POU6F2: variants seen among roughly 807,000 people sequenced by gnomAD.
The protein encoded by POU6F2 is POU class 6 homeobox 2.
Under a neutral mutation model 71.3 loss-of-function variants are expected in POU6F2, and 31 were observed. That is an observed-to-expected ratio of 0.43 (90% CI 0.33 to 0.59). POU6F2 has a LOEUF of 0.59. POU6F2 is among the 20% of genes least tolerant of loss of function. POU6F2 has a pLI of 0.04. For missense variants in POU6F2, 783 were observed against 856.8 expected (o/e 0.91, Z 1.07); for synonymous variants, 347 against 355.7 (o/e 0.98, Z 0.27).
At chr7:39,451,760 A>G in intron 8 of POU6F2, 59 bp downstream of exon 8, 1 of 1,479,678 alleles carries the variant, frequency 6.8e-7, no homozygotes, top group South Asian at 1.2e-5. Context: ...CCTATTTGCA[A>G]TGTCTTCCTT....
At position 39,270,004 on chromosome 7, in the gene POU6F2, TAAAAC is replaced by T. The variant is rs146309033; in HGVS notation, c.598+62389_598+62393del. 5.9e-5 allele frequency among the ~76,000 whole-genome samples: 9 copies of T among 152,332 alleles called. No individual in the cohort carries two copies. The East Asian group carries it at 1.2e-3, about 20-fold the overall frequency. On this transcript the variant is annotated intron_variant, in intron 4 of 9. Coordinates refer to ENST00000518318, the MANE Select transcript of POU6F2 (RefSeq NM_001370959.1). Reference sequence around the variant, plus strand: ...GAAGATGTTTTATCAGTAGTATAGTTAAAACAAAAGTCATGAAGAAAGGACTCATA... The same window carrying T: ...GAAGATGTTTTATCAGTAGTATAGTTAAAAGTCATGAAGAAAGGACTCATA...
Position 39,207,752 on chromosome 7 carries a change from G to A in POU6F2, c.598+132G>A, listed in dbSNP as rs1022064134. 1.1e-5 allele frequency: 9 copies of A among 819,860 alleles called. No individual in the cohort carries two copies. In the Admixed American group the frequency reaches 1.1e-4, roughly 10 times the overall value. The allele number at this position is 819,860 out of a possible 1,614,324, so 50.8% of individuals were successfully genotyped here. On this transcript the variant is annotated intron_variant, in intron 4 of 9. Transcript: ENST00000518318. ...GCTTCTGCCCTAAATGATATGGAAG[G>A]CTTCCACAGGAAGCAAAATTTTCAG...
intron 4 of POU6F2, among the ~76,000 whole-genome samples, chr7:39,252,069 C>T (rs886837186): frequency 2.2e-4 from 33 of 152,164 alleles, no homozygotes; most frequent in Admixed American, 1.6e-3. Flanking sequence ...GCCAGCTCTA[C>T]ATGCCGCGAG....
chr7:38,988,638 G>A (rs994416770), intron 1 of POU6F2, among the ~76,000 whole-genome samples: 1 of 152,098 alleles, frequency 6.6e-6, no homozygotes, highest in African/African-American at 2.4e-5. Context: ...CACTTACTAG[G>A]TGCCAGGCAC....
At chr7:39,259,431 C>T (rs1784089568) in intron 4 of POU6F2, among the ~76,000 whole-genome samples, 1 of 152,128 alleles carries the variant, frequency 6.6e-6, no homozygotes, top group Non-Finnish European at 1.5e-5. Context: ...ACAAAATGGC[C>T]TGTTGGGCCC....
chr7:39,428,751 G>A (rs756171288), intron 6 of POU6F2, among the ~76,000 whole-genome samples: 19 of 151,722 alleles, frequency 1.3e-4, no homozygotes, highest in Non-Finnish European at 2.1e-4. Context: ...ACACAGAATA[G>A]CCCCATTTCA....
rs1035134246 is a variant in POU6F2, at chr7:39,251,936, C to G, written c.598+44316C>G. ...ACCAGGGGAGAAAAGTAAAGGGACT[C>G]AAAATATATGAAAGGGCTAGTAGCA... On this transcript the variant is annotated intron_variant, in intron 4 of 9. Coordinates refer to ENST00000518318, the MANE Select transcript of POU6F2 (RefSeq NM_001370959.1). 2.6e-5 allele frequency among the ~76,000 whole-genome samples: 4 copies of G among 152,118 alleles called. No homozygotes were observed. In the East Asian group the frequency reaches 7.7e-4, roughly 29 times the overall value.
chr7:39,326,323 G>T (rs1785502576), intron 4 of POU6F2, among the ~76,000 whole-genome samples: 2 of 152,208 alleles, frequency 1.3e-5, no homozygotes, highest in Admixed American at 1.3e-4. Flanking sequence ...GTTATCCAAG[G>T]AGAGTCCCAT....
intron 4 of POU6F2, among the ~76,000 whole-genome samples, chr7:39,264,657 T>C (rs4314553): frequency 0.45 from 69,112 of 151,984 alleles, 16,279 homozygotes; most frequent in Admixed American, 0.6. Flanking sequence ...TAGCTTAGTA[T>C]CTGCCACAGG....
At position 38,979,430 on chromosome 7, in the gene POU6F2, G is replaced by T. The variant is rs1173848211; in HGVS notation, c.105+1372G>T. Among the ~76,000 whole-genome samples, 27 of 152,224 alleles carry T rather than the reference G, an allele frequency of 1.8e-4. No individual in the cohort carries two copies. In the East Asian group the frequency reaches 5.2e-3, roughly 29 times the overall value. ...GAAAATGTCAAATACATAATACCATGTTTTCACAGGCTCACACTATTTTAA... is the reference window on the plus strand; with the variant it reads ...GAAAATGTCAAATACATAATACCATTTTTTCACAGGCTCACACTATTTTAA... On this transcript the variant is annotated intron_variant, in intron 1 of 9. Transcript: ENST00000518318.
intron 5 of POU6F2, among the ~76,000 whole-genome samples, chr7:39,356,522 A>G (rs1367124225): frequency 6.6e-6 from 1 of 152,052 alleles, no homozygotes. Flanking sequence ...CATCTTTTTT[A>G]TGAACAATTT....
chr7:39,076,976 T>G (rs1484968624), intron 1 of POU6F2, among the ~76,000 whole-genome samples: 1 of 152,190 alleles, frequency 6.6e-6, no homozygotes, highest in East Asian at 1.9e-4. Context: ...TGTTCTCTCT[T>G]TGTAACTCCC....
chr7:39,461,625 G>A (rs1047924765), intron 9 of POU6F2, among the ~76,000 whole-genome samples: 7 of 152,116 alleles, frequency 4.6e-5, no homozygotes, highest in South Asian at 2.1e-4. Context: ...CCCAAAGGAC[G>A]GAAGTGTACT....
At chr7:39,139,922 G>A (rs1345495358) in intron 2 of POU6F2, among the ~76,000 whole-genome samples, 3 of 152,170 alleles carry the variant, frequency 2.0e-5, no homozygotes, top group African/African-American at 2.4e-5. Context: ...TTTGGACTAG[G>A]GTTGAAAAGT....
intron 2 of POU6F2, among the ~76,000 whole-genome samples, chr7:39,203,533 A>G (rs1174737482): frequency 6.6e-6 from 1 of 152,176 alleles, no homozygotes; most frequent in Non-Finnish European, 1.5e-5. Context: ...ACCATGATAA[A>G]AGGGTTTGAA....
At chr7:39,125,189 G>C (rs1324285697) in intron 2 of POU6F2, among the ~76,000 whole-genome samples, 1 of 152,070 alleles carries the variant, frequency 6.6e-6, no homozygotes, top group Non-Finnish European at 1.5e-5. Context: ...TGAGATCACG[G>C]ACTAGCCTGG....
At chr7:39,314,879 A>C (rs1176880022) in intron 4 of POU6F2, among the ~76,000 whole-genome samples, 1 of 152,100 alleles carries the variant, frequency 6.6e-6, no homozygotes, top group African/African-American at 2.4e-5. Flanking sequence ...TAAAGTAGAT[A>C]ACTTAAAAAA....
At chr7:39,218,369 A>G (rs946182575) in intron 4 of POU6F2, among the ~76,000 whole-genome samples, 3 of 152,138 alleles carry the variant, frequency 2.0e-5, no homozygotes, top group Admixed American at 1.3e-4. Context: ...ATTGAAAATA[A>G]GAAAATCGGA....
At chr7:39,198,881 C>T in intron 2 of POU6F2, among the ~76,000 whole-genome samples, 1 of 152,186 alleles carries the variant, frequency 6.6e-6, no homozygotes, top group East Asian at 1.9e-4. Context: ...TTAGAGGGGA[C>T]TTTTGCTCTG....
Sources: gnomAD v4.1 joint callset for allele counts (sites outside exome capture counted in the v4.1 genomes callset) on GRCh38, gnomAD v4.1.1 for gene constraint, MANE v1.5 for transcripts, NCBI Gene and HGNC (gene_info 2026-07-23, HGNC 2026-07-21) for gene names.